The following TSSC4 variants were observed in gnomAD, a reference collection of about 807,000 sequenced individuals.
TSSC4 encodes the protein U5 small nuclear ribonucleoprotein TSSC4.
For missense variants in TSSC4, 500 were observed against 443.9 expected, an observed-to-expected ratio of 1.13 and a Z score of -1.14; for synonymous variants, 259 against 197.9, an observed-to-expected ratio of 1.31 and a Z score of -2.59.
rs138874057 is a variant in TSSC4 at position 2,403,470 on chromosome 11, G to A, written c.837G>A (p.Gln279=). 4 of 1,598,750 alleles carry A rather than the reference G, an allele frequency of 2.5e-6. No individual in the cohort carries two copies. The African/African-American group carries it at 5.4e-5, about 21-fold the overall frequency. Residue 279 remains glutamine (Q), a synonymous_variant, in exon 3 of 3, where the codon CAG becomes CAA. Transcript: ENST00000333256. ...GGGGCAGCCACCATGGAGGCCTGCA[G>A]GAGGTGGAGGCACTGTCAGGGTCTG... ...EEWGSHHGGL[Q]EVEALSGSVH... is the part of the protein sequence containing the mutation.
At position 2,402,908 on chromosome 11, in the gene TSSC4, G is replaced by T; in HGVS notation, c.275G>T (p.Arg92Leu). The T allele has an allele frequency of 1.2e-5, 19 of 1,612,156 alleles. No homozygotes were observed. Among genetic ancestry groups the T allele is most frequent in the Non-Finnish European group, 1.4e-5 (17 of 1,179,760 alleles). ...LRGMSSTFSQRSRDIFDCLEG... is the reference protein window; with the variant it reads ...LRGMSSTFSQLSRDIFDCLEG... ...GGCATGAGCTCCACCTTCTCCCAGC[G>T]CAGCCGTGACATCTTTGACTGCCTG... Residue 92 changes from arginine to leucine, a missense_variant, in exon 3 of 3, where the codon CGC (arginine) becomes CTC (leucine). Physicochemically the swap from Arg to Leu is moderately radical, Grantham distance 102. Coordinates refer to ENST00000333256, the MANE Select transcript of TSSC4 (RefSeq NM_005706.4).
chr11:2,402,839 C>A lies in TSSC4; in HGVS notation c.206C>A (p.Pro69Gln), dbSNP rs773913072. The change falls in exon 3 of 3, where the codon CCG becomes CAG. Residue 69 changes from proline to glutamine, a missense_variant. Physicochemically the swap from Pro to Gln is moderately conservative, Grantham distance 76. Coordinates refer to ENST00000333256, the MANE Select transcript of TSSC4 (RefSeq NM_005706.4). ...DSGPDEPPSPPSGLLPATVQP... is the reference protein window; with the variant it reads ...DSGPDEPPSPQSGLLPATVQP... ...GGTCCTGATGAGCCGCCCTCACCCC[C>A]GTCAGGCCTCCTCCCAGCCACGGTG... 2 of 1,602,886 alleles carry A rather than the reference C, an allele frequency of 1.2e-6. No individual in the cohort carries two copies. The highest frequency in any genetic ancestry group is 3.4e-5 in the Admixed American group (2 of 59,284).
rs925410424 is a variant in TSSC4 at position 2,403,259 on chromosome 11, G to A, written c.626G>A (p.Gly209Glu). Reference protein sequence around the residue: ...SSFNQDPSSCGEGRVIFTKPV... With the variant: ...SSFNQDPSSCEEGRVIFTKPV... The stretch of plus-strand genomic sequence containing the variant: ...TTCAACCAGGATCCCTCCAGCTGTG[G>A]GGAGGGGAGGGTCATCTTCACCAAA... The change falls in exon 3 of 3, where the codon GGG becomes GAG. Residue 209 changes from glycine to glutamate, a missense_variant. Coordinates refer to ENST00000333256, the MANE Select transcript of TSSC4 (RefSeq NM_005706.4). 2.2e-5 allele frequency: 36 copies of A among 1,612,478 alleles called. No individual in the cohort carries two copies. The highest frequency in any genetic ancestry group is 2.9e-5 in the Non-Finnish European group (34 of 1,179,704).
At chr11:2,401,187 C>A (rs1320099119) in intron 1 of TSSC4, 1 of 152,214 alleles carries the variant, frequency 6.6e-6, no homozygotes. Flanking sequence ...CCCCGAGAAA[C>A]GGACTACCGG....
In TSSC4 at chr11:2,403,477, G is replaced by A. The variant is rs753944733; in HGVS notation, c.844G>A (p.Glu282Lys). Residue 282 changes from glutamate (E) to lysine (K), a missense_variant, in exon 3 of 3, where the codon GAG (glutamate) becomes AAG (lysine). Glu to Lys is a moderately conservative substitution (Grantham distance 56, BLOSUM62 1). Transcript: ENST00000333256. ...CCACCATGGAGGCCTGCAGGAGGTG[G>A]AGGCACTGTCAGGGTCTGTCCACAG... is the stretch of plus-strand genomic sequence containing the variant. ...GSHHGGLQEV[E>K]ALSGSVHSGS... The A allele has an allele frequency of 7.5e-6, 12 of 1,600,476 alleles. No individual in the cohort carries two copies. The highest frequency in any genetic ancestry group is 3.4e-5 in the Admixed American group (2 of 58,446).
In TSSC4 at chr11:2,402,662, C is replaced by T. The variant is rs1445324175; in HGVS notation, c.29C>T (p.Ser10Phe). ...GCTGAGGCAGGAACAGGTGAGCCGT[C>T]CCCCAGCGTGGAGGGCGAACACGGG... MAEAGTGEP[S>F]PSVEGEHGTE... The change falls in exon 3 of 3, where the codon TCC (serine) becomes TTC (phenylalanine). Residue 10 changes from serine (S) to phenylalanine (F), a missense_variant. Coordinates refer to ENST00000333256, the MANE Select transcript of TSSC4 (RefSeq NM_005706.4). 6.3e-7 allele frequency: 1 copy of T among 1,595,136 alleles called. No individual in the cohort carries two copies. Among genetic ancestry groups the T allele is most frequent in the Non-Finnish European group, 8.5e-7 (1 of 1,169,824 alleles).
At position 2,402,603 on chromosome 11, in the gene TSSC4, TGGTTTA is replaced by T; in HGVS notation, c.-23-4_-22del. On this transcript the variant is annotated splice_acceptor_variant and splice_polypyrimidine_tract_variant and intron_variant, in intron 2 of 2. Coordinates refer to ENST00000333256, the MANE Select transcript of TSSC4 (RefSeq NM_005706.4). LOFTEE classifies it low-confidence loss of function (5UTR_SPLICE). Reference sequence around the variant, plus strand: ...GAGAAACAAATTTTCTGGGCTGTTTTGGTTTAGGTGTGGCGTGGCCCTGGGGACGCA... The same window carrying T: ...GAGAAACAAATTTTCTGGGCTGTTTTGGTGTGGCGTGGCCCTGGGGACGCA... 6.4e-7 allele frequency: 1 copy of T among 1,551,918 alleles called. No individual in the cohort carries two copies. The highest frequency in any genetic ancestry group is 8.7e-7 in the Non-Finnish European group (1 of 1,145,160).
chr11:2,402,551 G>T, intron 2 of TSSC4, 60 bp from the exon 3 acceptor site: 1 of 1,401,180 alleles, frequency 7.1e-7, no homozygotes, highest in East Asian at 2.5e-5. Context: ...TCTGCAGGGG[G>T]AACTCATTCT....
Position 2,403,618 on chromosome 11 carries a change from G to A in TSSC4, c.985G>A (p.Val329Ile), listed in dbSNP as rs531861942. 3.3e-5 allele frequency: 50 copies of A among 1,513,482 alleles called. No individual in the cohort carries two copies. In the East Asian group the frequency reaches 6.5e-4, roughly 20 times the overall value. The allele number at this position is 1,513,482 out of a possible 1,614,324, so 93.8% of individuals were successfully genotyped here. A position where few individuals can be genotyped will look rare whatever the true frequency, so the allele number is the denominator to read the frequency against. ...CAGCCCCGAGGACCCAGGTGCTGAG[G>A]TCTGAGAGGGAGATGGCCCAGCCTG... ...SSSPEDPGAE[V>I] The change falls in exon 3 of 3, where the codon GTC becomes ATC. Residue 329 changes from valine to isoleucine, a missense_variant. Transcript: ENST00000333256.
Position 2,402,631 on chromosome 11 carries a change from C to T in TSSC4, c.-3C>T, listed in dbSNP as rs375422576. 2.5e-5 allele frequency: 40 copies of T among 1,587,234 alleles called. No homozygotes were observed. Among genetic ancestry groups the T allele is most frequent in the South Asian group, 7.9e-5 (7 of 88,724 alleles). On this transcript the variant is annotated 5_prime_UTR_variant, in exon 3 of 3. The change creates a new upstream start codon in the 5' untranslated region. Coordinates refer to ENST00000333256, the MANE Select transcript of TSSC4 (RefSeq NM_005706.4). ...TTTAGGTGTGGCGTGGCCCTGGGGA[C>T]GCATGGCTGAGGCAGGAACAGGTGA...
chr11:2,403,460 G>A lies in TSSC4; in HGVS notation c.827G>A (p.Gly276Glu). The A allele has an allele frequency of 6.3e-7, 1 of 1,596,580 alleles. No homozygotes were observed. The change falls in exon 3 of 3, where the codon GGA becomes GAA. Residue 276 changes from glycine (G) to glutamate (E), a missense_variant. Coordinates refer to ENST00000333256, the MANE Select transcript of TSSC4 (RefSeq NM_005706.4). ...GCTGAGGAGTGGGGCAGCCACCATG[G>A]AGGCCTGCAGGAGGTGGAGGCACTG... is the stretch of plus-strand genomic sequence containing the variant. ...PEAEEWGSHH[G>E]GLQEVEALSG...
Position 2,402,878 on chromosome 11 carries a change from TGA to T in TSSC4, c.249_250del (p.Gly84HisfsTer11). 1 of 1,612,020 alleles carries T rather than the reference TGA, an allele frequency of 6.2e-7. No individual in the cohort carries two copies. The highest frequency in any genetic ancestry group is 1.1e-5 in the South Asian group (1 of 90,818). On this transcript the variant is annotated frameshift_variant, in exon 3 of 3. Coordinates refer to ENST00000333256, the MANE Select transcript of TSSC4 (RefSeq NM_005706.4). LOFTEE classifies it low-confidence loss of function (END_TRUNC). ...CCAGCCACGGTGCAGCCATTCCATCTGAGAGGCATGAGCTCCACCTTCTCCCA... is the reference window on the plus strand; with the variant it reads ...CCAGCCACGGTGCAGCCATTCCATCTGAGGCATGAGCTCCACCTTCTCCCA...
rs1051157311 is a variant in TSSC4 at position 2,403,592 on chromosome 11, G to C, written c.959G>C (p.Ser320Thr). The change falls in exon 3 of 3, where the codon AGC becomes ACC. Residue 320 changes from serine (S) to threonine (T), a missense_variant. Ser to Thr is a moderately conservative substitution (Grantham distance 58, BLOSUM62 1). Transcript: ENST00000333256. ...CGAGACCACTTCCGGAACAAGAGCA[G>C]CAGCCCCGAGGACCCAGGTGCTGAG... is the stretch of plus-strand genomic sequence containing the variant. ...RSRDHFRNKS[S>T]SPEDPGAEV 1.3e-6 allele frequency: 2 copies of C among 1,540,796 alleles called. No individual in the cohort carries two copies. Among genetic ancestry groups the C allele is most frequent in the Non-Finnish European group, 1.7e-6 (2 of 1,145,466 alleles).
At position 2,402,821 on chromosome 11, in the gene TSSC4, A is replaced by C. The variant is rs780682206; in HGVS notation, c.188A>C (p.Asp63Ala). ...CCTGGGGAGGAGGATTCAGGTCCTG[A>C]TGAGCCGCCCTCACCCCCGTCAGGC... ...GLPGEEDSGP[D>A]EPPSPPSGLL... Residue 63 changes from aspartate to alanine, a missense_variant, in exon 3 of 3, where the codon GAT becomes GCT. By Grantham distance (126) the Asp-to-Ala change is moderately radical (BLOSUM62 -2). Coordinates refer to ENST00000333256, the MANE Select transcript of TSSC4 (RefSeq NM_005706.4). 2 of 1,593,858 alleles carry C rather than the reference A, an allele frequency of 1.3e-6. No homozygotes were observed. Among genetic ancestry groups the C allele is most frequent in the Non-Finnish European group, 8.5e-7 (1 of 1,169,828 alleles).
In TSSC4 at chr11:2,403,086, G is replaced by A. The variant is rs766432092; in HGVS notation, c.453G>A (p.Pro151=). The A allele has an allele frequency of 1.8e-5, 29 of 1,611,534 alleles. No individual in the cohort carries two copies. The highest frequency in any genetic ancestry group is 6.7e-5 in the East Asian group (3 of 44,816). Residue 151 remains proline (P), a synonymous_variant, in exon 3 of 3, where the codon CCG becomes CCA. Coordinates refer to ENST00000333256, the MANE Select transcript of TSSC4 (RefSeq NM_005706.4). ...GCCCTGCCTCACCAAGGGTGCCTCC[G>A]GTCCCCGACTACGTGGCACACCCCG... is the stretch of plus-strand genomic sequence containing the variant. The part of the protein sequence containing the change: ...HRSPASPRVP[P]VPDYVAHPER...
rs954412711 is a variant in TSSC4, at chr11:2,402,960, C to T, written c.327C>T (p.Ser109=). ...CLEGAARRAP[S]SVAHTSMSDN... ...AGGGGGCGGCCAGACGGGCTCCATC[C>T]TCTGTGGCCCACACCAGCATGAGTG... Residue 109 remains serine, a synonymous_variant, in exon 3 of 3, where the codon TCC becomes TCT. Transcript: ENST00000333256. The T allele has an allele frequency of 2.5e-6, 4 of 1,610,514 alleles. No homozygotes were observed. The highest frequency in any genetic ancestry group is 3.4e-6 in the Non-Finnish European group (4 of 1,178,960).
In TSSC4 at chr11:2,403,555, A is replaced by G; in HGVS notation, c.922A>G (p.Arg308Gly). 6.3e-7 allele frequency: 1 copy of G among 1,579,520 alleles called. No homozygotes were observed. The highest frequency in any genetic ancestry group is 1.4e-5 in the African/African-American group (1 of 73,888). ...GGAAACTGTTGGCTTCCATGGCAGC[A>G]GGAAGCGGAGTCGAGACCACTTCCG... The part of the protein sequence containing the change: ...PVETVGFHGS[R>G]KRSRDHFRNK... Residue 308 changes from arginine to glycine, a missense_variant, in exon 3 of 3, where the codon AGG (arginine) becomes GGG (glycine). Physicochemically the swap from Arg to Gly is moderately radical, Grantham distance 125. Transcript: ENST00000333256.
At position 2,403,579 on chromosome 11, in the gene TSSC4, C is replaced by G. The variant is rs147234100; in HGVS notation, c.946C>G (p.Arg316Gly). Residue 316 changes from arginine to glycine, a missense_variant, in exon 3 of 3, where the codon CGG (arginine) becomes GGG (glycine). Coordinates refer to ENST00000333256, the MANE Select transcript of TSSC4 (RefSeq NM_005706.4). ...CAGGAAGCGGAGTCGAGACCACTTC[C>G]GGAACAAGAGCAGCAGCCCCGAGGA... ...GSRKRSRDHF[R>G]NKSSSPEDPG... 198 of 1,552,900 alleles carry G rather than the reference C, an allele frequency of 1.3e-4. No homozygotes were observed. Among genetic ancestry groups the G allele is most frequent in the Non-Finnish European group, 1.7e-4 (192 of 1,152,924 alleles).
In TSSC4 at chr11:2,403,380, CA is replaced by C. The variant is rs1850230848; in HGVS notation, c.748del (p.Arg250GlyfsTer165). On this transcript the variant is annotated frameshift_variant, in exon 3 of 3. Coordinates refer to ENST00000333256, the MANE Select transcript of TSSC4 (RefSeq NM_005706.4). LOFTEE classifies it low-confidence loss of function (END_TRUNC). ...GCGGCCTTGGGAATCCTGCCACAGACAGGGGCGAGGGCCCTGTGGAGCTGGC... is the reference window on the plus strand; with the variant it reads ...GCGGCCTTGGGAATCCTGCCACAGACGGGGCGAGGGCCCTGTGGAGCTGGC... ...RGGLGNPATD[R>X]GEGPVELAHL... 1 of 1,609,302 alleles carries C rather than the reference CA, an allele frequency of 6.2e-7. No individual in the cohort carries two copies. The highest frequency in any genetic ancestry group is 8.5e-7 in the Non-Finnish European group (1 of 1,177,734).
Sources: allele counts gnomAD v4.1 joint callset, GRCh38; gene constraint gnomAD v4.1.1; transcripts MANE v1.5; gene names NCBI Gene and HGNC (gene_info 2026-07-23, HGNC 2026-07-21).